The following LTF variants were observed in gnomAD, a reference collection of about 807,000 sequenced individuals.
LTF encodes the protein epididymis luminal protein 110.
Under a neutral mutation model 87.2 loss-of-function variants are expected in LTF, and 91 were observed. The ratio of observed to expected loss-of-function variants is 1.04; its 90% CI spans 0.88 to 1.24. LTF has a LOEUF of 1.24. Ranked by LOEUF, LTF falls within the 50% of genes most tolerant of loss-of-function variation. The pLI is 0.00. For missense variants in LTF, 901 were observed against 904.3 expected (o/e 1.00, Z 0.05); for synonymous variants, 378 against 356.1 (o/e 1.06, Z -0.69).
At chr3:46,468,111 T>C, upstream of LTF, 1 of 440,614 alleles carries the variant, frequency 2.3e-6, no homozygotes, top group South Asian at 1.6e-5. Context: ...GTTGAAGGAA[T>C]GAATAAATGA....
At chr3:46,467,057 T>C (rs10865941), upstream of LTF, among the ~76,000 whole-genome samples, 47,629 of 152,030 alleles carry the variant, frequency 0.31, 9,106 homozygotes, top group East Asian at 0.51. Context: ...GCAGACTGTT[T>C]TCCTGCTGTG....
At chr3:46,441,291 G>A (rs1702509502) in intron 14 of LTF, 125 bp downstream of exon 14, 1 of 692,498 alleles carries the variant, frequency 1.4e-6, no homozygotes, top group Non-Finnish European at 2.4e-6. Context: ...AAGAATTTTG[G>A]AGTTCTTTTA....
rs563198681 is a variant in LTF, at chr3:46,454,471, C to A, written c.648-111G>T. On this transcript the variant is annotated intron_variant, in intron 5 of 16. Coordinates refer to ENST00000231751, the MANE Select transcript of LTF (RefSeq NM_002343.6). ...CTATGGGTTTCTACTCCCTGCAGGG[C>A]AGGGCTCTGAAGCTTTGGGGCATCC... The A allele has an allele frequency of 1.0e-4, 100 of 979,902 alleles. 1 individual carries two copies. The East Asian group carries it at 2.3e-3, about 22-fold the overall frequency. 60.7% of individuals were successfully genotyped at this position (979,902 alleles called of 1,614,324 possible).
chr3:46,483,046 C>T (rs111830554), intron 1 of LTF, among the ~76,000 whole-genome samples: 13 of 152,222 alleles, frequency 8.5e-5, no homozygotes, highest in Admixed American at 7.9e-4. Context: ...GTTCAAGCTG[C>T]TGACATGGAT....
intron 1 of LTF, among the ~76,000 whole-genome samples, chr3:46,474,733 T>C (rs1463532762): frequency 1.3e-5 from 2 of 152,178 alleles, no homozygotes; most frequent in South Asian, 2.1e-4. Flanking sequence ...TTTTTAAAAA[T>C]TGAAATCATA....
At chr3:46,448,088 G>A (rs1162018107) in intron 9 of LTF, among the ~76,000 whole-genome samples, 2 of 152,158 alleles carry the variant, frequency 1.3e-5, no homozygotes, top group Non-Finnish European at 2.9e-5. Flanking sequence ...TTTCGTCCGA[G>A]TGCTGTGGCT....
At chr3:46,462,873 G>A (rs1559607523) in intron 1 of LTF, among the ~76,000 whole-genome samples, 1 of 136,686 alleles carries the variant, frequency 7.3e-6, no homozygotes, top group Non-Finnish European at 1.6e-5. Context: ...GAGTAAAATG[G>A]AAGACCATGC....
At chr3:46,482,663 G>GAAAGAAA (rs1559614838) in intron 1 of LTF, among the ~76,000 whole-genome samples, 669 of 26,856 alleles carry the variant, frequency 0.025, 10 homozygotes, top group Non-Finnish European at 0.027. Context: ...AAAGAAAGAA[G>GAAAGAAA]GAAGGAAGGA....
chr3:46,462,950 G>A (rs1703121927), intron 1 of LTF, among the ~76,000 whole-genome samples: 1 of 152,124 alleles, frequency 6.6e-6, no homozygotes, highest in Non-Finnish European at 1.5e-5. Flanking sequence ...CTTCCCCTAA[G>A]AGGAGCTGAA....
At chr3:46,462,025 G>T (rs1488808655) in intron 1 of LTF, among the ~76,000 whole-genome samples, 1 of 152,140 alleles carries the variant, frequency 6.6e-6, no homozygotes, top group African/African-American at 2.4e-5. Flanking sequence ...GGGACACCTA[G>T]CTGCCATACT....
chr3:46,442,415 A>C (rs1245024789), intron 13 of LTF, among the ~76,000 whole-genome samples: 1 of 152,194 alleles, frequency 6.6e-6, no homozygotes, highest in Non-Finnish European at 1.5e-5. Context: ...AATTTAAACA[A>C]AAGACAAGGG....
At position 46,455,804 on chromosome 3, in the gene LTF, A is replaced by G. The variant is rs754709951; in HGVS notation, c.491T>C (p.Ile164Thr). Residue 164 changes from isoleucine to threonine, a missense_variant, in exon 4 of 17, where the codon ATT (isoleucine) becomes ACT (threonine). Physicochemically the swap from Ile to Thr is moderately conservative, Grantham distance 89. Transcript: ENST00000231751. ...FLNWTGPPEPIEAAVARFFSA... is the reference protein window; with the variant it reads ...FLNWTGPPEPTEAAVARFFSA... ...TCCCCCAGCCATCTTACCTGCCTCAATGGGCTCAGGTGGACCCGTCCAATT... is the reference window on the plus strand; with the variant it reads ...TCCCCCAGCCATCTTACCTGCCTCAGTGGGCTCAGGTGGACCCGTCCAATT... 1.9e-6 allele frequency: 3 copies of G among 1,564,814 alleles called. No individual in the cohort carries two copies. Among genetic ancestry groups the G allele is most frequent in the African/African-American group, 1.4e-5 (1 of 73,340 alleles).
chr3:46,441,456 A>G lies in LTF; in HGVS notation c.1683T>C (p.Val561=). ...FRCLAENAGD[V]AFVKDVTVLQ... ...AGACAGTGACATCTTTCACAAATGC[A>G]ACGTCTCCAGCATTCTCAGCCAGGC... Residue 561 remains valine (V), a synonymous_variant, in exon 14 of 17, where the codon GTT becomes GTC. Transcript: ENST00000231751. The G allele has an allele frequency of 6.2e-7, 1 of 1,613,960 alleles. No homozygotes were observed. Among genetic ancestry groups the G allele is most frequent in the Non-Finnish European group, 8.5e-7 (1 of 1,179,904 alleles).
chr3:46,482,639 AGAAAGAAAGAAAGAAAGAAAGAAGGAAG>A (rs1703456818), intron 1 of LTF, among the ~76,000 whole-genome samples: 1 of 96,172 alleles, frequency 1.0e-5, no homozygotes, highest in Non-Finnish European at 2.2e-5. Flanking sequence ...AAAGAAAGAA[AGAAAGAAAGAAAGAAAGAAAGAAGGAAG>A]GAAGGAAGGA....
Position 46,441,190 on chromosome 3 carries a change from T to A in LTF, c.1723+226A>T, listed in dbSNP as rs998720686. On this transcript the variant is annotated intron_variant, in intron 14 of 16. Transcript: ENST00000231751. ...GTGTGAGAGTGAGTGTGTGTGTGTG[T>A]GTGAGAGAAAGAGAGAGAGTGTGTG... Among the ~76,000 whole-genome samples the A allele has an allele frequency of 8.1e-5, 12 of 149,060 alleles. No individual in the cohort carries two copies. In the South Asian group the frequency reaches 9.1e-4, roughly 11 times the overall value.
Position 46,446,435 on chromosome 3 carries a change from C to T in LTF, c.1357+5G>A. Reference sequence around the variant, plus strand: ...TGACCCTGAAAGTGGCTAATGCCAACTCACCTTCCACAGGTCTATCCACAC... The same window carrying T: ...TGACCCTGAAAGTGGCTAATGCCAATTCACCTTCCACAGGTCTATCCACAC... On this transcript the variant is annotated splice_donor_5th_base_variant and intron_variant, in intron 11 of 16. Coordinates refer to ENST00000231751, the MANE Select transcript of LTF (RefSeq NM_002343.6). The T allele has an allele frequency of 6.2e-7, 1 of 1,612,290 alleles. No homozygotes were observed. Among genetic ancestry groups the T allele is most frequent in the Non-Finnish European group, 8.5e-7 (1 of 1,178,976 alleles).
intron 1 of LTF, among the ~76,000 whole-genome samples, chr3:46,484,468 G>T (rs895363878): frequency 3.3e-5 from 5 of 152,124 alleles, no homozygotes; most frequent in Admixed American, 3.3e-4. Flanking sequence ...GTTCCCTCCA[G>T]GCAGCGTCAG....
Position 46,459,749 on chromosome 3 carries a change from G to T in LTF, c.114C>A (p.Cys38Ter), listed in dbSNP as rs767237345. 6.3e-7 allele frequency: 1 copy of T among 1,581,778 alleles called. No individual in the cohort carries two copies. Among genetic ancestry groups the T allele is most frequent in the Non-Finnish European group, 8.6e-7 (1 of 1,168,090 alleles). The change falls in exon 2 of 17, where the codon TGC (cysteine) becomes TGA (stop). Residue 38 changes from cysteine to a stop codon, truncating the protein, a stop_gained. Transcript: ENST00000231751. LOFTEE classifies it high-confidence loss of function. ...CAVSQPEATK[C>*]FQWQRNMRKV... The stretch of plus-strand genomic sequence containing the variant: ...TTCTCATATTCCTTTGCCATTGGAA[G>T]CATTTTGTGGCCTCGGGTTGGGATA...
intron 11 of LTF, among the ~76,000 whole-genome samples, chr3:46,446,177 G>A (rs1033969373): frequency 9.2e-5 from 14 of 152,166 alleles, no homozygotes; most frequent in Non-Finnish European, 1.9e-4. Flanking sequence ...ATCCCCATGA[G>A]GTGGGGAAGT....
Sources: gnomAD v4.1 joint callset for allele counts (sites outside exome capture counted in the v4.1 genomes callset) on GRCh38, gnomAD v4.1.1 for gene constraint, MANE v1.5 for transcripts, NCBI Gene and HGNC (gene_info 2026-07-23, HGNC 2026-07-21) for gene names.